Variants in MACROD2 observed in about 807,000 individuals in gnomAD.
MACROD2 encodes the protein ADP-ribose glycohydrolase MACROD2.
In MACROD2, 36 loss-of-function variants were observed where a neutral mutation model predicts 70.4. The ratio of observed to expected loss-of-function variants is 0.51; its 90% CI spans 0.39 to 0.68. The LOEUF (loss-of-function observed/expected upper bound fraction) is 0.68, where lower values mean the gene tolerates loss of function less well. MACROD2 is among the 30% of genes least tolerant of loss of function. The probability of loss-of-function intolerance (pLI) is 0.00; values close to 1 mark genes in which losing one functional copy is unlikely to be tolerated. For synonymous variants in MACROD2, 172 were observed against 178.8 expected, an observed-to-expected ratio of 0.96 and a Z score of 0.30; for missense variants, 496 against 538.4, an observed-to-expected ratio of 0.92 and a Z score of 0.78.
chr20:15,137,272 C>A (rs982485118), intron 5 of MACROD2, among the ~76,000 whole-genome samples: 11 of 151,830 alleles, frequency 7.2e-5, no homozygotes, highest in Admixed American at 4.6e-4. Context: ...ATGTTTATTG[C>A]GGCACTATTC....
intron 5 of MACROD2, among the ~76,000 whole-genome samples, chr20:15,067,053 A>G (rs920558595): frequency 1.3e-4 from 20 of 152,212 alleles, no homozygotes; most frequent in African/African-American, 4.8e-4. Flanking sequence ...TTCTCATTTT[A>G]TCCCATTTCA....
intron 5 of MACROD2, among the ~76,000 whole-genome samples, chr20:15,210,370 C>G (rs377117979): frequency 1.3e-5 from 2 of 152,280 alleles, no homozygotes; most frequent in South Asian, 4.1e-4. Context: ...ATGGAGTTAA[C>G]AGACTCTGTT....
intron 8 of MACROD2, among the ~76,000 whole-genome samples, chr20:15,701,101 C>T (rs923856884): frequency 3.3e-5 from 5 of 152,214 alleles, no homozygotes; most frequent in South Asian, 4.1e-4. Flanking sequence ...ACTACAGCCC[C>T]TGAGCCAAAT....
At chr20:14,274,398 A>C (rs1234698161) in intron 3 of MACROD2, among the ~76,000 whole-genome samples, 1 of 152,180 alleles carries the variant, frequency 6.6e-6, no homozygotes, top group African/African-American at 2.4e-5. Flanking sequence ...CAAAAACCAC[A>C]TGATTATCTC....
At chr20:14,564,831 C>A (rs189168827) in intron 4 of MACROD2, among the ~76,000 whole-genome samples, 192 of 152,014 alleles carry the variant, frequency 1.3e-3, no homozygotes, top group African/African-American at 4.5e-3. Flanking sequence ...TATCCTACTT[C>A]TGGGTATGTA....
intron 2 of MACROD2, among the ~76,000 whole-genome samples, chr20:14,054,171 A>G (rs2053606301): frequency 6.6e-6 from 1 of 151,606 alleles, no homozygotes; most frequent in Non-Finnish European, 1.5e-5. Context: ...ATAAAACCAA[A>G]TGAGTATTTG....
At chr20:15,851,944 C>T (rs1013728755) in intron 8 of MACROD2, among the ~76,000 whole-genome samples, 3 of 152,142 alleles carry the variant, frequency 2.0e-5, no homozygotes, top group African/African-American at 4.8e-5. Context: ...CCTCTTTAAT[C>T]GTGAAAAGAA....
chr20:15,357,899 C>T (rs534000058), intron 6 of MACROD2, among the ~76,000 whole-genome samples: 5 of 151,820 alleles, frequency 3.3e-5, no homozygotes, highest in African/African-American at 4.8e-5. Context: ...CTCCGCCTCC[C>T]GGGTTCATGC....
chr20:15,231,176 C>T (rs936116122), intron 6 of MACROD2, among the ~76,000 whole-genome samples: 1 of 151,910 alleles, frequency 6.6e-6, no homozygotes, highest in African/African-American at 2.4e-5. Flanking sequence ...ATTATATAGC[C>T]CTTTTTAATC....
intron 5 of MACROD2, among the ~76,000 whole-genome samples, chr20:15,125,874 G>A (rs569468517): frequency 3.8e-4 from 58 of 151,578 alleles, no homozygotes; most frequent in African/African-American, 1.3e-3. Flanking sequence ...TCTTCTGGCA[G>A]ACTACTTTCT....
intron 5 of MACROD2, among the ~76,000 whole-genome samples, chr20:15,025,618 A>G (rs1173093778): frequency 6.6e-6 from 1 of 152,144 alleles, no homozygotes; most frequent in Non-Finnish European, 1.5e-5. Flanking sequence ...AATGGGCTGA[A>G]TTATCTATTC....
rs2064545682 is a variant in MACROD2, at chr20:15,869,254, G to GAGAGAC, written c.727+6433_727+6434insCAGAGA. Among the ~76,000 whole-genome samples, 3 of 126,782 alleles carry GAGAGAC rather than the reference G, an allele frequency of 2.4e-5. No homozygotes were observed. In the Admixed American group the frequency reaches 2.4e-4, roughly 10 times the overall value. 83.2% of individuals were successfully genotyped at this position (126,782 alleles called of 152,430 possible). ...ATATATATATAGAGAGAGAGAGAGA[G>GAGAGAC]AGAGAGAGAGAGAGCAATGCTGGGA... On this transcript the variant is annotated intron_variant, in intron 9 of 17. Coordinates refer to ENST00000684519, the MANE Select transcript of MACROD2 (RefSeq NM_001351661.2).
At chr20:14,269,919 A>G (rs2082176898) in intron 3 of MACROD2, among the ~76,000 whole-genome samples, 1 of 152,036 alleles carries the variant, frequency 6.6e-6, no homozygotes, top group African/African-American at 2.4e-5. Context: ...TAACCCTGGG[A>G]AAAATTCTTG....
intron 6 of MACROD2, among the ~76,000 whole-genome samples, chr20:15,306,143 G>A (rs2077695802): frequency 6.6e-6 from 1 of 152,148 alleles, no homozygotes; most frequent in African/African-American, 2.4e-5. Flanking sequence ...GAAGGTGGAG[G>A]TAAAATAGTT....
chr20:14,070,003 A>G (rs567894753), intron 2 of MACROD2, among the ~76,000 whole-genome samples: 12 of 152,052 alleles, frequency 7.9e-5, no homozygotes, highest in Non-Finnish European at 1.2e-4. Flanking sequence ...TGCCAGCCAG[A>G]TGTGAGTGGG....
intron 12 of MACROD2, among the ~76,000 whole-genome samples, chr20:15,960,853 C>T (rs1034555670): frequency 6.6e-6 from 1 of 152,076 alleles, no homozygotes; most frequent in South Asian, 2.1e-4. Context: ...GGGTGGGGCA[C>T]GTTGGCTACA....
At chr20:14,318,306 C>G (rs1000163887) in intron 3 of MACROD2, among the ~76,000 whole-genome samples, 1 of 152,182 alleles carries the variant, frequency 6.6e-6, no homozygotes, top group African/African-American at 2.4e-5. Flanking sequence ...TCTGTAAAAT[C>G]CCATTATCCC....
At chr20:14,005,055 A>G (rs1473051171) in intron 2 of MACROD2, among the ~76,000 whole-genome samples, 1 of 152,170 alleles carries the variant, frequency 6.6e-6, no homozygotes, top group Non-Finnish European at 1.5e-5. Context: ...ATACAATAGA[A>G]AGTTAAATAA....
chr20:14,748,189 T>C (rs1200398114), intron 5 of MACROD2, among the ~76,000 whole-genome samples: 2 of 152,078 alleles, frequency 1.3e-5, no homozygotes, highest in African/African-American at 2.4e-5. Context: ...GCCCATGTCA[T>C]GTGCTCACGA....
Sources: gnomAD v4.1 joint callset for allele counts (sites outside exome capture counted in the v4.1 genomes callset) on GRCh38, gnomAD v4.1.1 for gene constraint, MANE v1.5 for transcripts, NCBI Gene and HGNC (gene_info 2026-07-23, HGNC 2026-07-21) for gene names.